The following LPP variants were observed in gnomAD, a reference collection of about 807,000 sequenced individuals.
The protein encoded by LPP is LIM domain containing preferred translocation partner in lipoma, also known as lipoma-preferred partner.
LPP carries 38 observed loss-of-function variants against 60.4 expected under a neutral mutation model. The ratio of observed to expected loss-of-function variants is 0.63; its 90% CI spans 0.49 to 0.83. The LOEUF (loss-of-function observed/expected upper bound fraction) is 0.83, where lower values mean the gene tolerates loss of function less well. Ranked by LOEUF, LPP falls within the 40% of genes least tolerant of loss-of-function variation. The pLI, the probability that LPP is intolerant of heterozygous loss-of-function variation, is 0.00. For missense variants in LPP, 902 were observed against 783.6 expected, an observed-to-expected ratio of 1.15 and a Z score of -1.80; for synonymous variants, 328 against 290.8, an observed-to-expected ratio of 1.13 and a Z score of -1.30.
chr3:188,273,085 C>G (rs1005736698), intron 2 of LPP, among the ~76,000 whole-genome samples: 4 of 152,154 alleles, frequency 2.6e-5, no homozygotes, highest in Admixed American at 2.6e-4. Context: ...GTCGTGTTTT[C>G]TGCCTTTCCA....
intron 4 of LPP, among the ~76,000 whole-genome samples, chr3:188,423,498 C>G (rs980032229): frequency 1.3e-5 from 2 of 152,120 alleles, no homozygotes; most frequent in African/African-American, 2.4e-5. Flanking sequence ...ATTTCTTGTT[C>G]TAGATCCTTG....
chr3:188,885,146 C>T lies in LPP; in HGVS notation c.*10667C>T. On this transcript the variant is annotated 3_prime_UTR_variant, in exon 12 of 12. Transcript: ENST00000617246. ...GTGTGCTTTCCACTTTTTATTTCCTCTCATTTCACTCCTTTCATTGTTTGC... is the reference window on the plus strand; with the variant it reads ...GTGTGCTTTCCACTTTTTATTTCCTTTCATTTCACTCCTTTCATTGTTTGC... The T allele has an allele frequency of 4.7e-6, 1 of 211,726 alleles. No homozygotes were observed. Among genetic ancestry groups the T allele is most frequent in the Admixed American group, 5.9e-5 (1 of 17,026 alleles). The allele number at this position is 211,726 out of a possible 1,614,324, so 13.1% of individuals were successfully genotyped here. A position where few individuals can be genotyped will look rare whatever the true frequency, so the allele number is the denominator to read the frequency against.
chr3:188,551,457 G>A (rs1828104484), intron 6 of LPP, among the ~76,000 whole-genome samples: 1 of 152,080 alleles, frequency 6.6e-6, no homozygotes, highest in South Asian at 2.1e-4. Flanking sequence ...AAACCTAATT[G>A]CTTATATACT....
chr3:188,877,504 A>G lies in LPP; in HGVS notation c.*3025A>G, dbSNP rs1769387908. 1.1e-5 allele frequency: 2 copies of G among 187,128 alleles called. No homozygotes were observed. Among genetic ancestry groups the G allele is most frequent in the Non-Finnish European group, 1.1e-5 (1 of 88,572 alleles). The allele number at this position is 187,128 out of a possible 1,614,324, so 11.6% of individuals were successfully genotyped here. A position where few individuals can be genotyped will look rare whatever the true frequency, so the allele number is the denominator to read the frequency against. ...TCTTAAATTTTTCAACCCCCAGACC[A>G]TACTGACTCAACATGGAGTCTCACT... On this transcript the variant is annotated 3_prime_UTR_variant, in exon 12 of 12. Coordinates refer to ENST00000617246, the MANE Select transcript of LPP (RefSeq NM_001375462.1).
intron 5 of LPP, among the ~76,000 whole-genome samples, chr3:188,487,942 A>T (rs1807079708): frequency 6.6e-6 from 1 of 151,922 alleles, no homozygotes; most frequent in Admixed American, 6.6e-5. Flanking sequence ...GCAGAAAGGG[A>T]CCTTAGAGAT....
chr3:188,848,052 T>C (rs1268894493), intron 9 of LPP, among the ~76,000 whole-genome samples: 1 of 152,214 alleles, frequency 6.6e-6, no homozygotes, highest in Non-Finnish European at 1.5e-5. Context: ...TCCTCATCCT[T>C]GCCTTGAGTT....
chr3:188,510,496 A>T (rs560837997), intron 5 of LPP, among the ~76,000 whole-genome samples: 54 of 152,326 alleles, frequency 3.5e-4, no homozygotes, highest in South Asian at 4.1e-4. Context: ...GCTCAGCCTG[A>T]AATATGTGTG....
At chr3:188,700,674 TG>T (rs1330419459) in intron 7 of LPP, among the ~76,000 whole-genome samples, 8 of 152,216 alleles carry the variant, frequency 5.3e-5, no homozygotes, top group Admixed American at 6.5e-5. Flanking sequence ...ACCTGCCCAT[TG>T]CTTACTCAGA....
intron 9 of LPP, among the ~76,000 whole-genome samples, chr3:188,859,229 G>T (rs141638731): frequency 2.5e-3 from 374 of 151,730 alleles, no homozygotes; most frequent in African/African-American, 8.8e-3. Context: ...GCTTATCTGC[G>T]ACTCCTATAA....
intron 6 of LPP, among the ~76,000 whole-genome samples, chr3:188,530,079 G>A (rs116542274): frequency 9.2e-5 from 14 of 151,972 alleles, no homozygotes; most frequent in Admixed American, 5.9e-4. Context: ...GTCAAGGAAC[G>A]TGGAAAGTGA....
At chr3:188,723,955 G>A (rs1213037652) in intron 8 of LPP, among the ~76,000 whole-genome samples, 1 of 152,054 alleles carries the variant, frequency 6.6e-6, no homozygotes, top group Non-Finnish European at 1.5e-5. Context: ...ATGAGAAGAG[G>A]AGATAGAGCT....
intron 1 of LPP, among the ~76,000 whole-genome samples, chr3:188,167,738 A>C (rs547023452): frequency 6.6e-6 from 1 of 152,286 alleles, no homozygotes; most frequent in African/African-American, 2.4e-5. Flanking sequence ...TCAGAGAAGA[A>C]TTATAGCACA....
At chr3:188,858,932 A>C (rs1053368590) in intron 9 of LPP, among the ~76,000 whole-genome samples, 1 of 151,832 alleles carries the variant, frequency 6.6e-6, no homozygotes, top group African/African-American at 2.4e-5. Flanking sequence ...TCTGCTAAAA[A>C]TAAAAAATTA....
chr3:188,240,235 T>G (rs546325375), intron 2 of LPP: 3 of 175,476 alleles, frequency 1.7e-5, no homozygotes, highest in East Asian at 9.9e-5. Flanking sequence ...ATCCTTTTGG[T>G]ATCAAATTTT....
At position 188,352,997 on chromosome 3, in the gene LPP, TA is replaced by T. The variant is rs1390738154; in HGVS notation, c.-10+11280del. Among the ~76,000 whole-genome samples, 1 of 152,190 alleles carries T rather than the reference TA, an allele frequency of 6.6e-6. No individual in the cohort carries two copies. The highest frequency in any genetic ancestry group is 2.4e-5 in the African/African-American group (1 of 41,446). ...GAGTGCTTAAAGGGGCTGGGATAGATAATCATAATGCCATGTTCTCACTGCT... is the reference window on the plus strand; with the variant it reads ...GAGTGCTTAAAGGGGCTGGGATAGATATCATAATGCCATGTTCTCACTGCT... On this transcript the variant is annotated intron_variant, in intron 3 of 11. Transcript: ENST00000617246. The surrounding 1 kb of genome is among the most constrained non-coding windows in gnomAD (Gnocchi z 4.4).
At chr3:188,499,056 T>A (rs1811075838) in intron 5 of LPP, among the ~76,000 whole-genome samples, 1 of 152,228 alleles carries the variant, frequency 6.6e-6, no homozygotes, top group Admixed American at 6.5e-5. Context: ...TATTAATCCC[T>A]TATCAGGTAT....
chr3:188,644,571 G>A (rs1215800489), intron 7 of LPP, among the ~76,000 whole-genome samples: 3 of 151,994 alleles, frequency 2.0e-5, no homozygotes, highest in Non-Finnish European at 4.4e-5. Flanking sequence ...ATCTAAGAAT[G>A]GTTCTCTCTT....
intron 6 of LPP, among the ~76,000 whole-genome samples, chr3:188,575,338 G>A (rs913200870): frequency 1.3e-5 from 2 of 152,116 alleles, no homozygotes; most frequent in East Asian, 3.9e-4. Context: ...AGGGACATCT[G>A]TCATAGTCTT....
intron 8 of LPP, chr3:188,711,939 G>A (rs1711680606): frequency 6.6e-6 from 1 of 152,200 alleles, no homozygotes; most frequent in Admixed American, 6.5e-5. Flanking sequence ...AGATAGTAGA[G>A]AAGTGAAGTC....
Sources: gnomAD v4.1 joint callset for allele counts (sites outside exome capture counted in the v4.1 genomes callset) on GRCh38, gnomAD v4.1.1 for gene constraint, Gnocchi (gnomAD v3.1) non-coding constraint, MANE v1.5 for transcripts, NCBI Gene and HGNC (gene_info 2026-07-23, HGNC 2026-07-21) for gene names.